TRIP13: variants seen among roughly 807,000 people sequenced by gnomAD.
TRIP13 encodes thyroid hormone receptor interactor 13.
TRIP13 carries 25 observed loss-of-function variants against 54.4 expected under a neutral mutation model. The observed-to-expected ratio is 0.46, with a 90% CI of 0.33 to 0.64. The LOEUF is 0.64. Among genes scored for constraint, TRIP13 ranks in the 30% least tolerant of loss-of-function variants. The probability of loss-of-function intolerance (pLI) is 0.02; values close to 1 mark genes in which losing one functional copy is unlikely to be tolerated. For synonymous variants in TRIP13, 207 were observed against 207.8 expected (o/e 1.00, Z 0.03); for missense variants, 373 against 534.2 (o/e 0.70, Z 2.97).
At position 892,908 on chromosome 5, in the gene TRIP13, G is replaced by A; in HGVS notation, c.-91G>A. ...CAGATTCGAAGCTAGGGCGGGGCCC[G>A]CGGGCTGAGGCAGCGGCTGTGGCGG... is the stretch of plus-strand genomic sequence containing the variant. On this transcript the variant is annotated 5_prime_UTR_variant, in exon 1 of 13. Transcript: ENST00000166345. The A allele has an allele frequency of 7.9e-7, 1 of 1,270,318 alleles. No individual in the cohort carries two copies. The highest frequency in any genetic ancestry group is 1.0e-6 in the Non-Finnish European group (1 of 968,082). The allele number at this position is 1,270,318 out of a possible 1,614,324, so 78.7% of individuals were successfully genotyped here. A position where few individuals can be genotyped will look rare whatever the true frequency, so the allele number is the denominator to read the frequency against.
rs1029913966 is a variant in TRIP13 at position 912,642 on chromosome 5, T to C, written c.1020+646T>C. Among the ~76,000 whole-genome samples the C allele has an allele frequency of 6.0e-4, 87 of 146,048 alleles. No homozygotes were observed. The highest frequency in any genetic ancestry group is 2.0e-3 in the African/African-American group (77 of 38,168). On this transcript the variant is annotated intron_variant, in intron 10 of 12. Transcript: ENST00000166345. This position sits in a 1 kb window ranked among gnomAD's most constrained non-coding sequence, Gnocchi z 7.2. ...GGCCGTCGCCACGGGCACAATGACATGTGCGGTGAGTGTGAGTCAGTAAGG... is the reference window on the plus strand; with the variant it reads ...GGCCGTCGCCACGGGCACAATGACACGTGCGGTGAGTGTGAGTCAGTAAGG...
chr5:896,988 C>G (rs898901022), intron 3 of TRIP13, among the ~76,000 whole-genome samples, 194 bp downstream of exon 3: 1 of 152,176 alleles, frequency 6.6e-6, no homozygotes, highest in African/African-American at 2.4e-5. Context: ...CATACTGTTC[C>G]TTTGGGTGGG....
chr5:895,308 G>A (rs1438858046), intron 2 of TRIP13, among the ~76,000 whole-genome samples: 1 of 152,168 alleles, frequency 6.6e-6, no homozygotes, highest in African/African-American at 2.4e-5. Flanking sequence ...GAGGTGTGGG[G>A]CCACAGAGAT....
chr5:916,368 G>A (rs6864627), intron 12 of TRIP13, among the ~76,000 whole-genome samples: 2,792 of 152,298 alleles, frequency 0.018, 86 homozygotes, highest in African/African-American at 0.064. Context: ...CAGATGCTTC[G>A]GCCTGGGGCA....
chr5:900,885 G>A (rs1037951972), intron 4 of TRIP13, among the ~76,000 whole-genome samples: 2 of 152,164 alleles, frequency 1.3e-5, no homozygotes, highest in African/African-American at 2.4e-5. Flanking sequence ...CAACGGGAAG[G>A]GTCTTTCCCA....
chr5:910,965 C>A (rs1305077986), intron 9 of TRIP13, among the ~76,000 whole-genome samples: 1 of 152,230 alleles, frequency 6.6e-6, no homozygotes. Flanking sequence ...GTGAAGTTGA[C>A]CTTCCCCAGG....
At chr5:901,843 A>G (rs113024250) in intron 5 of TRIP13, among the ~76,000 whole-genome samples, 1,612 of 152,142 alleles carry the variant, frequency 0.011, 32 homozygotes, top group African/African-American at 0.037. Flanking sequence ...GGCTGGTCTC[A>G]AACTCCTGAC....
At position 912,496 on chromosome 5, in the gene TRIP13, G is replaced by A. The variant is rs746965382; in HGVS notation, c.1020+500G>A. 6.6e-6 allele frequency among the ~76,000 whole-genome samples: 1 copy of A among 151,980 alleles called. No homozygotes were observed. The highest frequency in any genetic ancestry group is 1.9e-4 in the East Asian group (1 of 5,184). ...GCCGTGGGCAGAGCGACGCGTGCGG[G>A]TTGTGTGTGTGAGTCAGGAAGGCCG... On this transcript the variant is annotated intron_variant, in intron 10 of 12. Transcript: ENST00000166345. The surrounding 1 kb of genome is among the most constrained non-coding windows in gnomAD (Gnocchi z 7.2).
At chr5:903,149 G>C (rs1754031953) in intron 5 of TRIP13, among the ~76,000 whole-genome samples, 1 of 152,038 alleles carries the variant, frequency 6.6e-6, no homozygotes, top group Admixed American at 6.5e-5. Flanking sequence ...GGGAAAGGGA[G>C]ACTCCCTTTC....
chr5:902,202 T>C (rs934026769), intron 5 of TRIP13, among the ~76,000 whole-genome samples: 1 of 152,192 alleles, frequency 6.6e-6, no homozygotes, highest in African/African-American at 2.4e-5. Flanking sequence ...TTTGTTTTGT[T>C]TTGTTGTCAA....
At chr5:900,725 C>G (rs1433909795) in intron 4 of TRIP13, among the ~76,000 whole-genome samples, 176 bp downstream of exon 4, 1 of 152,150 alleles carries the variant, frequency 6.6e-6, no homozygotes, top group African/African-American at 2.4e-5. Context: ...TAGAGCTGGT[C>G]TCTGAGGAGC....
rs539901784 is a variant in TRIP13, at chr5:912,165, T to C, written c.1020+169T>C. ...TGTATGTGACAGGTTGAGCTGATAG[T>C]TGAAACTAGGGCCACTGACTCAATA... On this transcript the variant is annotated intron_variant, in intron 10 of 12. Transcript: ENST00000166345. The surrounding 1 kb of genome is among the most constrained non-coding windows in gnomAD (Gnocchi z 7.2). 3.7e-4 allele frequency among the ~76,000 whole-genome samples: 57 copies of C among 152,328 alleles called. No homozygotes were observed. The highest frequency in any genetic ancestry group is 1.3e-3 in the African/African-American group (55 of 41,582).
At position 913,750 on chromosome 5, in the gene TRIP13, C is replaced by T. The variant is rs1327946115; in HGVS notation, c.1021-715C>T. On this transcript the variant is annotated intron_variant, in intron 10 of 12. Transcript: ENST00000166345. The surrounding 1 kb of genome is among the most constrained non-coding windows in gnomAD (Gnocchi z 4.5). Reference sequence around the variant, plus strand: ...AACTGGTCTCGAAAGCTCAATATCCCCCAAAGCACAAGCACAAACTGTCTT... The same window carrying T: ...AACTGGTCTCGAAAGCTCAATATCCTCCAAAGCACAAGCACAAACTGTCTT... 6.6e-6 allele frequency among the ~76,000 whole-genome samples: 1 copy of T among 152,092 alleles called. No homozygotes were observed. The highest frequency in any genetic ancestry group is 1.5e-5 in the Non-Finnish European group (1 of 68,020).
At chr5:904,271 C>A in intron 6 of TRIP13, 51 bp downstream of exon 6, 6 of 1,462,834 alleles carry the variant, frequency 4.1e-6, no homozygotes, top group Non-Finnish European at 4.6e-6. Context: ...GGATTTATAA[C>A]GGGAGGTTGT....
At position 901,440 on chromosome 5, in the gene TRIP13, T is replaced by C; in HGVS notation, c.535+9T>C. ...GGTGGTGCTGCTCCACGGTAAATTA[T>C]GCAGGCTTTTATTTGACCAGATAAG... On this transcript the variant is annotated intron_variant, in intron 5 of 12. Coordinates refer to ENST00000166345, the MANE Select transcript of TRIP13 (RefSeq NM_004237.4). The C allele has an allele frequency of 6.2e-7, 1 of 1,613,472 alleles. No homozygotes were observed. The highest frequency in any genetic ancestry group is 8.5e-7 in the Non-Finnish European group (1 of 1,179,754).
In TRIP13 at chr5:896,868, A is replaced by G. The variant is rs920980; in HGVS notation, c.388+74A>G. 0.15 allele frequency: 225,981 copies of G among 1,476,838 alleles called. 34,888 individuals are homozygous for G. Among genetic ancestry groups the G allele is most frequent in the African/African-American group, 0.77 (54,301 of 70,332 alleles). 91.5% of individuals were successfully genotyped at this position (1,476,838 alleles called of 1,614,324 possible). A position where few individuals can be genotyped will look rare whatever the true frequency, so the allele number is the denominator to read the frequency against. On this transcript the variant is annotated intron_variant, in intron 3 of 12. Coordinates refer to ENST00000166345, the MANE Select transcript of TRIP13 (RefSeq NM_004237.4). ...TATACTCCATGCCATGTCAGTTCAC[A>G]GGGGGGGTTCTGTTTGTCCATTTGT...
rs149373013 is a variant in TRIP13 at position 908,907 on chromosome 5, G to A, written c.866+446G>A. ...CGGGAGGCAGAACTTGCAGTGAGCC[G>A]AGATCATGCCACTGCACTCCAGCCT... On this transcript the variant is annotated intron_variant, in intron 9 of 12. Coordinates refer to ENST00000166345, the MANE Select transcript of TRIP13 (RefSeq NM_004237.4). The surrounding 1 kb of genome is among the most constrained non-coding windows in gnomAD (Gnocchi z 5.2). 8.8e-3 allele frequency: 1,537 copies of A among 173,944 alleles called. 29 individuals carry two copies. The highest frequency in any genetic ancestry group is 0.035 in the African/African-American group (1,466 of 42,198). 10.8% of individuals were successfully genotyped at this position (173,944 alleles called of 1,614,324 possible). A position where few individuals can be genotyped will look rare whatever the true frequency, so the allele number is the denominator to read the frequency against.
rs1241120318 is a variant in TRIP13 at position 907,880 on chromosome 5, C to A, written c.673-108C>A. 33 of 1,103,930 alleles carry A rather than the reference C, an allele frequency of 3.0e-5. No homozygotes were observed. The highest frequency in any genetic ancestry group is 4.4e-5 in the Non-Finnish European group (32 of 726,698). The allele number at this position is 1,103,930 out of a possible 1,614,324, so 68.4% of individuals were successfully genotyped here. On this transcript the variant is annotated intron_variant, in intron 7 of 12. Transcript: ENST00000166345. This position sits in a 1 kb window ranked among gnomAD's most constrained non-coding sequence, Gnocchi z 4.1. Reference sequence around the variant, plus strand: ...AGCTTTCTGAGGGGCCGTCAGGAGACAGTGGGCTTGTGGGGACAACTGGGG... The same window carrying A: ...AGCTTTCTGAGGGGCCGTCAGGAGAAAGTGGGCTTGTGGGGACAACTGGGG...
At position 894,289 on chromosome 5, in the gene TRIP13, G is replaced by A. The variant is rs564064952; in HGVS notation, c.93-498G>A. 1.1e-4 allele frequency among the ~76,000 whole-genome samples: 16 copies of A among 152,244 alleles called. 1 individual carries two copies. The South Asian group carries it at 2.9e-3, about 28-fold the overall frequency. ...CGGGACCAGGTCACTGTTGTAGAAAGGGGAGGTGTTAGGAGGACTGCAGCA... is the reference window on the plus strand; with the variant it reads ...CGGGACCAGGTCACTGTTGTAGAAAAGGGAGGTGTTAGGAGGACTGCAGCA... On this transcript the variant is annotated intron_variant, in intron 1 of 12. Transcript: ENST00000166345.
Sources: allele counts gnomAD v4.1 joint callset (sites outside exome capture counted in the v4.1 genomes callset), GRCh38; gene constraint gnomAD v4.1.1; non-coding constraint Gnocchi (gnomAD v3.1); transcripts MANE v1.5; gene names NCBI Gene and HGNC (gene_info 2026-07-23, HGNC 2026-07-21).